Variants in ESR1 observed in about 807,000 individuals in gnomAD.
The protein encoded by ESR1 is estrogen receptor.
Under a neutral mutation model 52.7 loss-of-function variants are expected in ESR1, and 12 were observed. That is an observed-to-expected ratio of 0.23 (90% CI 0.15 to 0.37). The LOEUF is 0.37. Ranked by LOEUF, ESR1 falls within the 10% of genes least tolerant of loss-of-function variation. The probability of loss-of-function intolerance (pLI) is 1.00; values close to 1 mark genes in which losing one functional copy is unlikely to be tolerated. For synonymous variants in ESR1, 305 were observed against 316.8 expected (o/e 0.96, Z 0.39); for missense variants, 584 against 779.7 (o/e 0.75, Z 2.99).
intron 1 of ESR1, among the ~76,000 whole-genome samples, chr6:151,669,401 A>C (rs1469302416): frequency 2.6e-5 from 4 of 152,058 alleles, no homozygotes; most frequent in African/African-American, 9.7e-5. Context: ...GGAGGAGTAA[A>C]GGACAATGAT....
chr6:151,689,235 AT>A (rs142786557), upstream of ESR1, among the ~76,000 whole-genome samples: 59,162 of 151,946 alleles, frequency 0.39, 11,857 homozygotes, highest in Non-Finnish European at 0.43. Flanking sequence ...TTTAGAAAAA[AT>A]ATTTCGCTTT....
intron 5 of ESR1, among the ~76,000 whole-genome samples, chr6:152,027,943 A>G (rs1219528939): frequency 6.6e-6 from 1 of 152,028 alleles, no homozygotes; most frequent in Non-Finnish European, 1.5e-5. Context: ...GCAGATTGAG[A>G]CCATCCTGGA....
intron 4 of ESR1, among the ~76,000 whole-genome samples, chr6:151,964,997 A>G (rs889632709): frequency 6.6e-6 from 1 of 152,178 alleles, no homozygotes; most frequent in African/African-American, 2.4e-5. Context: ...TGAAAATGAT[A>G]AAGAAGTTTA....
At chr6:151,795,016 T>C (rs1485080146) in intron 2 of ESR1, among the ~76,000 whole-genome samples, 1 of 152,146 alleles carries the variant, frequency 6.6e-6, no homozygotes, top group Non-Finnish European at 1.5e-5. Context: ...AATTGTCAAC[T>C]ATGGTCAAAA....
At chr6:151,905,799 GA>G (rs1262340996) in intron 3 of ESR1, among the ~76,000 whole-genome samples, 1 of 152,148 alleles carries the variant, frequency 6.6e-6, no homozygotes, top group East Asian at 1.9e-4. Context: ...TTTTCTGTTT[GA>G]AAGCGAAAAA....
At chr6:151,724,453 G>A (rs560380055) in intron 2 of ESR1, among the ~76,000 whole-genome samples, 10 of 152,016 alleles carry the variant, frequency 6.6e-5, no homozygotes, top group Non-Finnish European at 1.2e-4. Context: ...GACATTTAAA[G>A]GATTAGGTCC....
chr6:151,948,477 G>GTGT (rs1257935823), intron 4 of ESR1, among the ~76,000 whole-genome samples: 2 of 152,172 alleles, frequency 1.3e-5, no homozygotes, highest in Non-Finnish European at 2.9e-5. Flanking sequence ...TGCACTCAGA[G>GTGT]TGTTGGCCCA....
chr6:151,829,789 G>A (rs73780873), intron 1 of ESR1, among the ~76,000 whole-genome samples: 30,694 of 151,942 alleles, frequency 0.2, 3,894 homozygotes, highest in African/African-American at 0.36. Flanking sequence ...GGTGCAGAGG[G>A]GTTCGGTGAC....
chr6:151,898,848 C>T (rs1795989420), intron 3 of ESR1, among the ~76,000 whole-genome samples: 1 of 152,218 alleles, frequency 6.6e-6, no homozygotes, highest in South Asian at 2.1e-4. Context: ...TTTTCCCCAC[C>T]TTTCCCCCCT....
chr6:151,853,199 G>GAAAA (rs1787182121), intron 2 of ESR1, among the ~76,000 whole-genome samples: 1 of 89,632 alleles, frequency 1.1e-5, no homozygotes, highest in Non-Finnish European at 2.3e-5. Context: ...AAAAAAAAAA[G>GAAAA]AGAAAGAAAG....
intron 6 of ESR1, among the ~76,000 whole-genome samples, chr6:152,071,389 G>A (rs1437231929): frequency 6.6e-6 from 1 of 152,190 alleles, no homozygotes; most frequent in Non-Finnish European, 1.5e-5. Flanking sequence ...CTGCAAAGGA[G>A]TGTAGGGTTA....
intron 1 of ESR1, among the ~76,000 whole-genome samples, chr6:151,701,129 C>A (rs769520716): frequency 5.3e-5 from 8 of 152,146 alleles, no homozygotes; most frequent in Non-Finnish European, 7.4e-5. Context: ...TCTGAATCTT[C>A]GTGGTAAAAT....
intron 1 of ESR1, among the ~76,000 whole-genome samples, chr6:151,676,034 A>G (rs1778239224): frequency 6.6e-6 from 1 of 152,202 alleles, no homozygotes; most frequent in Admixed American, 6.5e-5. Flanking sequence ...ACTGCATCTG[A>G]GAAGGGAGGA....
At position 151,907,753 on chromosome 6, in the gene ESR1, G is replaced by C. The variant is rs373377306; in HGVS notation, c.760+26982G>C. On this transcript the variant is annotated intron_variant, in intron 3 of 7. Transcript: ENST00000206249. ...TGCACGCCACAGTAATTATCTCACT[G>C]GGCCAAAAGATAGGTACTTTTTCAT... Among the ~76,000 whole-genome samples the C allele has an allele frequency of 9.9e-5, 15 of 152,124 alleles. No homozygotes were observed. In the East Asian group the frequency reaches 2.3e-3, roughly 24 times the overall value.
Position 151,965,475 on chromosome 6 carries a change from G to A in ESR1, c.1096+20967G>A, listed in dbSNP as rs183951460. On this transcript the variant is annotated intron_variant, in intron 4 of 7. Transcript: ENST00000206249. ...CATTACCTAAAAGGTTATCCTTAGAGCTTTATATAATACATCCCTGAAGTT... is the reference window on the plus strand; with the variant it reads ...CATTACCTAAAAGGTTATCCTTAGAACTTTATATAATACATCCCTGAAGTT... Among the ~76,000 whole-genome samples the A allele has an allele frequency of 2.4e-4, 36 of 152,164 alleles. No individual in the cohort carries two copies. The East Asian group carries it at 6.0e-3, about 25-fold the overall frequency.
At chr6:151,838,693 T>A (rs988919327) in intron 1 of ESR1, among the ~76,000 whole-genome samples, 1 of 152,158 alleles carries the variant, frequency 6.6e-6, no homozygotes, top group African/African-American at 2.4e-5. Flanking sequence ...ATGGAGTAAG[T>A]CTGGGCCAAA....
intron 3 of ESR1, among the ~76,000 whole-genome samples, chr6:151,906,814 T>C (rs1797526999): frequency 6.6e-6 from 1 of 151,146 alleles, no homozygotes; most frequent in Non-Finnish European, 1.5e-5. Context: ...ACCTGTCTAA[T>C]AAATCTTTCC....
At chr6:151,720,228 T>C (rs1026660246) in intron 2 of ESR1, among the ~76,000 whole-genome samples, 2 of 152,226 alleles carry the variant, frequency 1.3e-5, no homozygotes, top group Admixed American at 6.5e-5. Context: ...TTATTCAAAC[T>C]GTGCAATCTG....
intron 3 of ESR1, among the ~76,000 whole-genome samples, chr6:151,893,014 C>T (rs1794917508): frequency 6.6e-6 from 1 of 152,094 alleles, no homozygotes; most frequent in Non-Finnish European, 1.5e-5. Flanking sequence ...CATGGTGAAA[C>T]CCCGTCTCTA....
Sources: allele counts gnomAD v4.1 joint callset (sites outside exome capture counted in the v4.1 genomes callset), GRCh38; gene constraint gnomAD v4.1.1; transcripts MANE v1.5; gene names NCBI Gene and HGNC (gene_info 2026-07-23, HGNC 2026-07-21).